PTPRK: variants seen among roughly 807,000 people sequenced by gnomAD.
The protein encoded by PTPRK is protein tyrosine phosphatase receptor type K.
PTPRK carries 75 observed loss-of-function variants against 178.0 expected under a neutral mutation model. That is an observed-to-expected ratio of 0.42 (90% CI 0.35 to 0.51). The LOEUF (loss-of-function observed/expected upper bound fraction) is 0.51, where lower values mean the gene tolerates loss of function less well. Among genes scored for constraint, PTPRK ranks in the 20% least tolerant of loss-of-function variants. The pLI, the probability that PTPRK is intolerant of heterozygous loss-of-function variation, is 0.02. For synonymous variants in PTPRK, 637 were observed against 620.6 expected (o/e 1.03, Z -0.39); for missense variants, 1,441 against 1,797.8 (o/e 0.80, Z 3.59).
chr6:128,479,525 G>A (rs1405857467), intron 1 of PTPRK, among the ~76,000 whole-genome samples: 1 of 152,088 alleles, frequency 6.6e-6, no homozygotes, highest in African/African-American at 2.4e-5. Flanking sequence ...GGGCCTCTTT[G>A]TAGTAAACAG....
intron 1 of PTPRK, among the ~76,000 whole-genome samples, chr6:128,449,214 T>C (rs1847442339): frequency 6.6e-6 from 1 of 152,166 alleles, no homozygotes; most frequent in African/African-American, 2.4e-5. Flanking sequence ...TTTTTAAACA[T>C]AAGCAAACAC....
chr6:128,072,660 C>G (rs923707094), intron 11 of PTPRK, among the ~76,000 whole-genome samples: 1 of 151,940 alleles, frequency 6.6e-6, no homozygotes, highest in African/African-American at 2.4e-5. Context: ...ATTTTCCATT[C>G]GAAGCTGGTA....
At chr6:127,997,099 G>T (rs1462770842) in intron 16 of PTPRK, 111 bp from the exon 17 acceptor site, 42 of 1,047,630 alleles carry the variant, frequency 4.0e-5, no homozygotes, top group Non-Finnish European at 5.6e-5. Context: ...GAGGAAAGCA[G>T]TCCTACAGTA....
At chr6:128,425,026 A>C (rs886660604) in intron 1 of PTPRK, among the ~76,000 whole-genome samples, 1 of 150,304 alleles carries the variant, frequency 6.7e-6, no homozygotes, top group Admixed American at 6.6e-5. Context: ...GTGATTTTTG[A>C]GATTTTGGTG....
intron 6 of PTPRK, among the ~76,000 whole-genome samples, chr6:128,202,235 G>T (rs967607639): frequency 6.6e-6 from 1 of 152,180 alleles, no homozygotes; most frequent in African/African-American, 2.4e-5. Context: ...GGGGAGACAT[G>T]AAGCCAAAGG....
At chr6:128,290,050 A>G (rs951931838) in intron 3 of PTPRK, among the ~76,000 whole-genome samples, 4 of 152,140 alleles carry the variant, frequency 2.6e-5, no homozygotes, top group African/African-American at 9.7e-5. Context: ...CAAAACTGAA[A>G]AATAGCCAGC....
chr6:128,494,541 A>T (rs1854380124), intron 1 of PTPRK, among the ~76,000 whole-genome samples: 1 of 152,206 alleles, frequency 6.6e-6, no homozygotes, highest in African/African-American at 2.4e-5. Flanking sequence ...CTGCAGTTAA[A>T]AAAAAACACT....
intron 2 of PTPRK, among the ~76,000 whole-genome samples, chr6:128,388,017 G>T (rs1477256508): frequency 4.0e-5 from 6 of 151,832 alleles, no homozygotes; most frequent in Admixed American, 3.9e-4. Flanking sequence ...TGGGCCATAT[G>T]CAAAGCTATC....
At chr6:128,161,899 C>T (rs990292547) in intron 7 of PTPRK, among the ~76,000 whole-genome samples, 3 of 151,364 alleles carry the variant, frequency 2.0e-5, no homozygotes, top group Non-Finnish European at 3.0e-5. Flanking sequence ...AGCAAACGTC[C>T]CTAATTTCAA....
At chr6:127,980,499 A>C (rs913980159) in intron 25 of PTPRK, among the ~76,000 whole-genome samples, 1 of 151,910 alleles carries the variant, frequency 6.6e-6, no homozygotes, top group East Asian at 1.9e-4. Flanking sequence ...CTAAAAAAAA[A>C]AAAACCAAAA....
Position 128,255,024 on chromosome 6 carries a change from T to C in PTPRK, c.496-12422A>G, listed in dbSNP as rs146997876. On this transcript the variant is annotated intron_variant, in intron 3 of 29. Coordinates refer to ENST00000368226, the MANE Select transcript of PTPRK (RefSeq NM_002844.4). ...TGTTTTTCTTGAGCCAGAGTCTTGCTCTATCGCCCAGGCTGGAGTACAGTG... is the reference window on the plus strand; with the variant it reads ...TGTTTTTCTTGAGCCAGAGTCTTGCCCTATCGCCCAGGCTGGAGTACAGTG... 3.0e-3 allele frequency among the ~76,000 whole-genome samples: 451 copies of C among 152,322 alleles called. 4 individuals carry two copies. The highest frequency in any genetic ancestry group is 0.01 in the African/African-American group (431 of 41,566).
At chr6:128,173,714 T>A (rs1356004899) in intron 7 of PTPRK, among the ~76,000 whole-genome samples, 2 of 151,990 alleles carry the variant, frequency 1.3e-5, no homozygotes, top group Non-Finnish European at 2.9e-5. Context: ...CTACTGATTC[T>A]ACCTATCAAA....
At chr6:128,233,718 C>A (rs17053270) in intron 5 of PTPRK, among the ~76,000 whole-genome samples, 9,650 of 152,242 alleles carry the variant, frequency 0.063, 797 homozygotes, top group African/African-American at 0.19. Context: ...GTGCCAGCAC[C>A]TGCGGCGATT....
At chr6:128,520,034 C>T (rs1293822953) in intron 1 of PTPRK, among the ~76,000 whole-genome samples, 5 of 152,176 alleles carry the variant, frequency 3.3e-5, no homozygotes, top group Non-Finnish European at 7.3e-5. Flanking sequence ...TCCGGCTAGA[C>T]CGTGCCAGCC....
At chr6:128,325,818 T>C (rs1243711994) in intron 2 of PTPRK, among the ~76,000 whole-genome samples, 2 of 152,100 alleles carry the variant, frequency 1.3e-5, no homozygotes, top group East Asian at 3.9e-4. Flanking sequence ...CCCATTACTA[T>C]GTATATATCC....
At chr6:128,298,355 G>A (rs1439528687) in intron 3 of PTPRK, among the ~76,000 whole-genome samples, 1 of 151,872 alleles carries the variant, frequency 6.6e-6, no homozygotes, top group Admixed American at 6.5e-5. Flanking sequence ...TAGAAAAAGA[G>A]GGAATCCTCT....
intron 1 of PTPRK, among the ~76,000 whole-genome samples, chr6:128,405,190 C>T (rs980919560): frequency 3.0e-4 from 46 of 152,154 alleles, no homozygotes; most frequent in Non-Finnish European, 5.0e-4. Flanking sequence ...AATAGGGTGA[C>T]TTAAGGCTGA....
intron 5 of PTPRK, among the ~76,000 whole-genome samples, chr6:128,226,771 TATA>T (rs902283468): frequency 2.2e-4 from 27 of 122,618 alleles, no homozygotes; most frequent in African/African-American, 1.1e-3. Context: ...CATATATATA[TATA>T]TATATATATA....
chr6:128,001,078 T>C, intron 15 of PTPRK: 1 of 713,890 alleles, frequency 1.4e-6, no homozygotes, highest in Non-Finnish European at 2.2e-6. Context: ...CACCTAATAA[T>C]GTGACTAGTA....
Sources: allele counts gnomAD v4.1 joint callset (sites outside exome capture counted in the v4.1 genomes callset), GRCh38; gene constraint gnomAD v4.1.1; transcripts MANE v1.5; gene names NCBI Gene and HGNC (gene_info 2026-07-23, HGNC 2026-07-21).